UHRF2: variants seen among roughly 807,000 people sequenced by gnomAD.
UHRF2 encodes the protein ubiquitin like with PHD and ring finger domains 2, also known as E3 ubiquitin-protein ligase UHRF2.
Under a neutral mutation model 96.8 loss-of-function variants are expected in UHRF2, and 23 were observed. The observed-to-expected ratio is 0.24, with a 90% CI of 0.17 to 0.34. The LOEUF (loss-of-function observed/expected upper bound fraction) is 0.34, where lower values mean the gene tolerates loss of function less well. Ranked by LOEUF, UHRF2 falls within the 10% of genes least tolerant of loss-of-function variation. The probability of loss-of-function intolerance (pLI) is 1.00; values close to 1 mark genes in which losing one functional copy is unlikely to be tolerated. For synonymous variants in UHRF2, 385 were observed against 332.6 expected (o/e 1.16, Z -1.72); for missense variants, 685 against 981.5 (o/e 0.70, Z 4.04).
intron 3 of UHRF2, among the ~76,000 whole-genome samples, chr9:6,445,030 CCTG>C (rs1821403353): frequency 6.6e-6 from 1 of 151,390 alleles, no homozygotes; most frequent in Non-Finnish European, 1.5e-5. Context: ...GTGGCTCACA[CCTG>C]TAATCCTAGC....
At chr9:6,468,724 AG>A (rs1460982205) in intron 4 of UHRF2, 3 of 455,948 alleles carry the variant, frequency 6.6e-6, no homozygotes, top group South Asian at 4.6e-5. Context: ...TGGCATTTTC[AG>A]CAGTCTTAGA....
intron 8 of UHRF2, among the ~76,000 whole-genome samples, chr9:6,482,681 C>G (rs940713948): frequency 1.3e-5 from 2 of 150,806 alleles, no homozygotes; most frequent in African/African-American, 4.9e-5. Flanking sequence ...ACTGCAAGCT[C>G]TGCCTCGTGG....
At chr9:6,477,559 A>G in intron 5 of UHRF2, 63 bp from the exon 6 acceptor site, 1 of 1,441,504 alleles carries the variant, frequency 6.9e-7, no homozygotes, top group Non-Finnish European at 9.3e-7. Flanking sequence ...GCTTTTCTTT[A>G]TGAGATTCAT....
intron 2 of UHRF2, among the ~76,000 whole-genome samples, chr9:6,426,638 A>G (rs1035258953): frequency 2.0e-5 from 3 of 152,214 alleles, no homozygotes; most frequent in Non-Finnish European, 2.9e-5. Context: ...GATATCTAGC[A>G]TATGTTTGTA....
intron 3 of UHRF2, among the ~76,000 whole-genome samples, chr9:6,459,628 C>T (rs1438770768): frequency 6.6e-6 from 1 of 152,166 alleles, no homozygotes; most frequent in East Asian, 1.9e-4. Context: ...GAGATCACAC[C>T]ACTGCACTCC....
At chr9:6,445,452 G>C (rs1165033348) in intron 3 of UHRF2, among the ~76,000 whole-genome samples, 1 of 152,100 alleles carries the variant, frequency 6.6e-6, no homozygotes, top group Non-Finnish European at 1.5e-5. Context: ...GTAGAGATGG[G>C]ATCTCACCAT....
chr9:6,413,793 C>A (rs1819428915), intron 1 of UHRF2, 150 bp downstream of exon 1: 1 of 1,018,776 alleles, frequency 9.8e-7, no homozygotes, highest in South Asian at 2.5e-5. Flanking sequence ...GCGCGGGGTG[C>A]GGGGCCCAGT....
In UHRF2 at chr9:6,422,916, A is replaced by T. The variant is rs1437129653; in HGVS notation, c.384+1774A>T. The T allele has an allele frequency of 1.1e-5, 4 of 358,400 alleles. No homozygotes were observed. The East Asian group carries it at 1.7e-4, about 15-fold the overall frequency. 22.2% of individuals were successfully genotyped at this position (358,400 alleles called of 1,614,324 possible). A position where few individuals can be genotyped will look rare whatever the true frequency, so the allele number is the denominator to read the frequency against. On this transcript the variant is annotated intron_variant, in intron 2 of 15. Transcript: ENST00000276893. ...TCTGTTTGCTGATATAGAGAAATGA[A>T]ATTGATTTATTTGGCTTTTGTAACC...
intron 10 of UHRF2, 52 bp from the exon 11 acceptor site, chr9:6,497,146 G>T: frequency 6.4e-7 from 1 of 1,555,104 alleles, no homozygotes. Context: ...TGACTCGATT[G>T]TGTACTTGAA....
At chr9:6,469,701 C>CATATAT (rs750086912) in intron 4 of UHRF2, among the ~76,000 whole-genome samples, 39,946 of 148,318 alleles carry the variant, frequency 0.27, 7,371 homozygotes, top group African/African-American at 0.52. Context: ...CACGTATATA[C>CATATAT]ATACATATAC....
Position 6,451,545 on chromosome 9 carries a change from C to T in UHRF2, c.645-9028C>T, listed in dbSNP as rs546060287. On this transcript the variant is annotated intron_variant, in intron 3 of 15. Transcript: ENST00000276893. ...AGGTTGGAGTGCAGTGGCGCGATCT[C>T]GGCTCACTGCAGGCTCCGCCCCCCG... Among the ~76,000 whole-genome samples the T allele has an allele frequency of 2.9e-4, 43 of 149,402 alleles. No individual in the cohort carries two copies. In the East Asian group the frequency reaches 3.0e-3, roughly 11 times the overall value.
Position 6,462,668 on chromosome 9 carries a change from C to G in UHRF2, c.863+1877C>G, listed in dbSNP as rs1312485414. Among the ~76,000 whole-genome samples the G allele has an allele frequency of 1.3e-5, 2 of 152,288 alleles. 1 individual carries two copies. Among genetic ancestry groups the G allele is most frequent in the South Asian group, 4.1e-4 (2 of 4,828 alleles). ...GTGCAGTGGCTCATGCCTGTAATCC[C>G]AGCACTTTGGGAGACCAAGGTGGGC... On this transcript the variant is annotated intron_variant, in intron 4 of 15. Coordinates refer to ENST00000276893, the MANE Select transcript of UHRF2 (RefSeq NM_152896.3).
Position 6,452,609 on chromosome 9 carries a change from A to G in UHRF2, c.645-7964A>G, listed in dbSNP as rs529099159. On this transcript the variant is annotated intron_variant, in intron 3 of 15. Coordinates refer to ENST00000276893, the MANE Select transcript of UHRF2 (RefSeq NM_152896.3). The stretch of plus-strand genomic sequence containing the variant: ...ATTTTAACTAAGGATATAGAGTTAC[A>G]TTAAACAGTCATTAACAGGTTATCG... Among the ~76,000 whole-genome samples the G allele has an allele frequency of 2.6e-5, 4 of 152,382 alleles. No individual in the cohort carries two copies. In the East Asian group the frequency reaches 5.8e-4, roughly 22 times the overall value.
intron 10 of UHRF2, chr9:6,494,185 A>G (rs1042010964): frequency 1.1e-5 from 4 of 363,050 alleles, no homozygotes; most frequent in Non-Finnish European, 2.0e-5. Context: ...AACAACTTTG[A>G]AGGAAAGGAG....
chr9:6,479,674 G>A (rs1374016592), intron 6 of UHRF2, among the ~76,000 whole-genome samples: 4 of 152,166 alleles, frequency 2.6e-5, no homozygotes, highest in Admixed American at 6.5e-5. Flanking sequence ...TCCAGATGGA[G>A]TTCTTGATTT....
intron 10 of UHRF2, 122 bp from the exon 11 acceptor site, chr9:6,497,076 G>A (rs935776048): frequency 6.7e-6 from 6 of 900,176 alleles, no homozygotes; most frequent in Non-Finnish European, 8.1e-6. Context: ...GAATAATATG[G>A]AAAGAATCAT....
intron 2 of UHRF2, chr9:6,422,864 A>T: frequency 2.6e-6 from 1 of 389,612 alleles, no homozygotes; most frequent in Non-Finnish European, 4.5e-6. Context: ...TGCAATTATT[A>T]TATATGGTTA....
At chr9:6,473,789 C>CG (rs1823392958) in intron 4 of UHRF2, among the ~76,000 whole-genome samples, 1 of 152,206 alleles carries the variant, frequency 6.6e-6, no homozygotes, top group African/African-American at 2.4e-5. Context: ...GATGGCATAA[C>CG]TAAGTTCTAA....
chr9:6,467,684 T>G (rs1188023248), intron 4 of UHRF2, among the ~76,000 whole-genome samples: 1 of 151,128 alleles, frequency 6.6e-6, no homozygotes, highest in Non-Finnish European at 1.5e-5. Flanking sequence ...GAAGTTGAAT[T>G]CTTTCAAAGA....
Sources: gnomAD v4.1 joint callset for allele counts (sites outside exome capture counted in the v4.1 genomes callset) on GRCh38, gnomAD v4.1.1 for gene constraint, MANE v1.5 for transcripts, NCBI Gene and HGNC (gene_info 2026-07-23, HGNC 2026-07-21) for gene names.